The following EBF1 variants were observed in gnomAD, a reference collection of about 807,000 sequenced individuals.
The protein encoded by EBF1 is EBF transcription factor 1, also known as transcription factor COE1.
A neutral mutation model predicts 68.4 loss-of-function variants in EBF1; 10 were observed. That is an observed-to-expected ratio of 0.15 (90% CI 0.09 to 0.25). EBF1 has a LOEUF of 0.25. Ranked by LOEUF, EBF1 falls within the 10% of genes least tolerant of loss-of-function variation. The pLI is 1.00. For missense variants in EBF1, 509 were observed against 794.4 expected (o/e 0.64, Z 4.32); for synonymous variants, 298 against 299.8 (o/e 0.99, Z 0.06).
At chr5:158,876,799 T>C (rs941269087) in intron 6 of EBF1, among the ~76,000 whole-genome samples, 1 of 152,168 alleles carries the variant, frequency 6.6e-6, no homozygotes, top group Non-Finnish European at 1.5e-5. Context: ...CCCCTTTCGA[T>C]TGTATTAATA....
At chr5:158,989,930 C>A (rs1277160779) in intron 6 of EBF1, among the ~76,000 whole-genome samples, 1 of 151,950 alleles carries the variant, frequency 6.6e-6, no homozygotes, top group African/African-American at 2.4e-5. Flanking sequence ...GCAGTCTTGG[C>A]AGGGGGAATA....
At chr5:158,726,596 T>C (rs1289487034) in intron 11 of EBF1, among the ~76,000 whole-genome samples, 1 of 152,208 alleles carries the variant, frequency 6.6e-6, no homozygotes, top group Non-Finnish European at 1.5e-5. Context: ...TTTCCCAAAC[T>C]GCTTTATTTT....
intron 8 of EBF1, among the ~76,000 whole-genome samples, chr5:158,818,869 A>G (rs751080657): frequency 3.7e-4 from 56 of 152,104 alleles, no homozygotes; most frequent in Admixed American, 9.2e-4. Context: ...AAAACTCTTG[A>G]CTAATAGTTC....
chr5:159,054,389 G>A (rs984593074), intron 6 of EBF1, among the ~76,000 whole-genome samples: 13 of 152,226 alleles, frequency 8.5e-5, no homozygotes, highest in South Asian at 6.2e-4. Flanking sequence ...TATATTTAAC[G>A]GTTGGATAAT....
rs1043592965 is a variant in EBF1, at chr5:158,698,187, C to A, written c.*924G>T. The A allele has an allele frequency of 1.3e-4, 29 of 220,878 alleles. No individual in the cohort carries two copies. In the East Asian group the frequency reaches 1.9e-3, roughly 14 times the overall value. The allele number at this position is 220,878 out of a possible 1,614,324, so 13.7% of individuals were successfully genotyped here. ...TGGGGGAGCGTACGTGAGGTTTTGG[C>A]TTGTTAACTGGAGGGCAGAGTGTGG... On this transcript the variant is annotated 3_prime_UTR_variant, in exon 16 of 16. Coordinates refer to ENST00000313708, the MANE Select transcript of EBF1 (RefSeq NM_024007.5).
At chr5:158,764,402 A>C (rs1037370539) in intron 10 of EBF1, among the ~76,000 whole-genome samples, 2 of 152,186 alleles carry the variant, frequency 1.3e-5, no homozygotes, top group African/African-American at 2.4e-5. Flanking sequence ...GGACAACTAG[A>C]TTATCTTGAA....
At chr5:158,913,433 T>C (rs1030191353) in intron 6 of EBF1, among the ~76,000 whole-genome samples, 1 of 152,208 alleles carries the variant, frequency 6.6e-6, no homozygotes. Flanking sequence ...GAATGATTTC[T>C]GAGAATTTTC....
At chr5:158,831,496 CAGAG>C (rs1377074396) in intron 7 of EBF1, among the ~76,000 whole-genome samples, 1 of 151,912 alleles carries the variant, frequency 6.6e-6, no homozygotes, top group African/African-American at 2.4e-5. Context: ...TTACTGGGGA[CAGAG>C]AGAGAGTCAG....
At chr5:158,760,664 GTTCT>G (rs1186662264) in intron 10 of EBF1, among the ~76,000 whole-genome samples, 1 of 152,132 alleles carries the variant, frequency 6.6e-6, no homozygotes, top group Non-Finnish European at 1.5e-5. Flanking sequence ...AAGGAATGCT[GTTCT>G]TTCTTTCAGA....
chr5:158,823,376 A>G, intron 7 of EBF1, 59 bp from the exon 8 acceptor site: 3 of 1,503,842 alleles, frequency 2.0e-6, no homozygotes, highest in Non-Finnish European at 2.7e-6. Context: ...GTGGGTAATA[A>G]ACTCAAGTTA....
chr5:158,925,631 T>C (rs1452579975), intron 6 of EBF1, among the ~76,000 whole-genome samples: 1 of 152,192 alleles, frequency 6.6e-6, no homozygotes, highest in Non-Finnish European at 1.5e-5. Flanking sequence ...TTGGGAATTG[T>C]AGCCATGCAC....
chr5:158,876,874 T>G (rs548800839), intron 6 of EBF1, among the ~76,000 whole-genome samples: 1 of 152,124 alleles, frequency 6.6e-6, no homozygotes, highest in Non-Finnish European at 1.5e-5. Context: ...CTTTGGATTT[T>G]CATAATAGGA....
chr5:159,095,493 G>T (rs1019608371), intron 4 of EBF1, 127 bp downstream of exon 4: 8 of 1,092,160 alleles, frequency 7.3e-6, no homozygotes, highest in African/African-American at 6.3e-5. Flanking sequence ...TGCAAGTTTG[G>T]TCTGAGCCGC....
In EBF1 at chr5:158,776,531, G is replaced by C. The variant is rs564126072; in HGVS notation, c.1036+882C>G. On this transcript the variant is annotated intron_variant, in intron 10 of 15. Transcript: ENST00000313708. ...GCAACTTCCGCTCTGTACTTAATCT[G>C]GTCTTGTGGTCTTTTACTGAATGGA... Among the ~76,000 whole-genome samples, 7 of 152,174 alleles carry C rather than the reference G, an allele frequency of 4.6e-5. No homozygotes were observed. In the South Asian group the frequency reaches 1.2e-3, roughly 27 times the overall value.
chr5:159,017,096 T>A (rs1363160939), intron 6 of EBF1, among the ~76,000 whole-genome samples: 2 of 151,408 alleles, frequency 1.3e-5, no homozygotes, highest in Non-Finnish European at 3.0e-5. Context: ...TATTTTGACA[T>A]GTAAGCAATA....
intron 6 of EBF1, among the ~76,000 whole-genome samples, chr5:158,990,960 C>G (rs1194851104): frequency 6.6e-6 from 1 of 152,162 alleles, no homozygotes; most frequent in African/African-American, 2.4e-5. Flanking sequence ...AAGAACTACA[C>G]TAATGGATCC....
intron 8 of EBF1, among the ~76,000 whole-genome samples, chr5:158,800,989 C>G (rs1396375069): frequency 1.3e-5 from 2 of 152,046 alleles, no homozygotes; most frequent in Admixed American, 1.3e-4. Flanking sequence ...CATAAGTATC[C>G]GCAAGGCCAG....
chr5:158,927,084 GAGA>G (rs1465694695), intron 6 of EBF1, among the ~76,000 whole-genome samples: 2 of 152,206 alleles, frequency 1.3e-5, no homozygotes, highest in Non-Finnish European at 2.9e-5. Context: ...GATCTGAGGT[GAGA>G]AGATGCATAA....
intron 8 of EBF1, among the ~76,000 whole-genome samples, chr5:158,805,937 T>C (rs1202427808): frequency 6.6e-6 from 1 of 152,064 alleles, no homozygotes; most frequent in Non-Finnish European, 1.5e-5. Context: ...TTCATTAAGA[T>C]TTCTATGTTT....
Sources: gnomAD v4.1 joint callset for allele counts (sites outside exome capture counted in the v4.1 genomes callset) on GRCh38, gnomAD v4.1.1 for gene constraint, MANE v1.5 for transcripts, NCBI Gene and HGNC (gene_info 2026-07-23, HGNC 2026-07-21) for gene names.